CCDC181: variants seen among roughly 807,000 people sequenced by gnomAD.
The protein encoded by CCDC181 is coiled-coil domain-containing protein 181.
A neutral mutation model predicts 58.7 loss-of-function variants in CCDC181; 35 were observed. That is an observed-to-expected ratio of 0.60 (90% CI 0.46 to 0.79). The LOEUF is 0.79. Ranked by LOEUF, CCDC181 falls within the 30% of genes least tolerant of loss-of-function variation. The pLI is 0.00. For synonymous variants in CCDC181, 183 were observed against 197.5 expected (o/e 0.93, Z 0.62); for missense variants, 517 against 583.9 (o/e 0.89, Z 1.18).
chr1:169,408,197 T>A (rs1213291077), intron 4 of CCDC181, among the ~76,000 whole-genome samples: 2 of 152,172 alleles, frequency 1.3e-5, no homozygotes, highest in Admixed American at 6.5e-5. Context: ...AGCACAGCAG[T>A]CTGAAGTCGA....
chr1:169,409,906 A>G (rs1454634442), intron 4 of CCDC181, among the ~76,000 whole-genome samples: 1 of 152,182 alleles, frequency 6.6e-6, no homozygotes, highest in Non-Finnish European at 1.5e-5. Flanking sequence ...TGTAAAGGAA[A>G]AACAGATACC....
intron 1 of CCDC181, among the ~76,000 whole-genome samples, chr1:169,426,542 C>A (rs189591971): frequency 6.6e-6 from 1 of 152,316 alleles, no homozygotes; most frequent in African/African-American, 2.4e-5. Context: ...AACTGCCGAT[C>A]TTTCAGTAGG....
chr1:169,432,715 G>A (rs1656953364), intron 2 of CCDC181, among the ~76,000 whole-genome samples: 2 of 152,010 alleles, frequency 1.3e-5, no homozygotes, highest in South Asian at 2.1e-4. Context: ...AATCGATGCA[G>A]TATTCTACAT....
intron 2 of CCDC181, 23 bp from the exon 3 acceptor site, chr1:169,422,336 T>C: frequency 1.4e-6 from 2 of 1,479,976 alleles, no homozygotes; most frequent in Non-Finnish European, 1.8e-6. Flanking sequence ...TATTTTTCAG[T>C]CAAAATTGAG....
In CCDC181 at chr1:169,421,720, C is replaced by A; in HGVS notation, c.711G>T (p.Gly237=). The change falls in exon 3 of 6, where the codon GGG becomes GGT. Residue 237 remains glycine, a synonymous_variant. Coordinates refer to ENST00000367806, the MANE Select transcript of CCDC181 (RefSeq NM_001300969.2). ...TTGCATTATTAATGGGAGGCAAAAA[C>A]CCCTGACTGGCAATGTCTTGTAAAT... ...LLNLQDIASQ[G]FLPPINNANS... 1.2e-6 allele frequency: 2 copies of A among 1,613,970 alleles called. No individual in the cohort carries two copies. Among genetic ancestry groups the A allele is most frequent in the Non-Finnish European group, 1.7e-6 (2 of 1,179,978 alleles).
chr1:169,412,557 G>A (rs1656026726), intron 4 of CCDC181, among the ~76,000 whole-genome samples: 1 of 152,122 alleles, frequency 6.6e-6, no homozygotes, highest in South Asian at 2.1e-4. Flanking sequence ...AAAAGAGCCT[G>A]CATAGCCAAG....
chr1:169,410,801 T>C (rs1372540612), intron 4 of CCDC181, among the ~76,000 whole-genome samples: 1 of 152,070 alleles, frequency 6.6e-6, no homozygotes, highest in East Asian at 1.9e-4. Context: ...ACTGGGTAAA[T>C]AACGAAATTA....
intron 4 of CCDC181, among the ~76,000 whole-genome samples, chr1:169,405,552 G>T (rs982502116): frequency 6.6e-6 from 1 of 152,116 alleles, no homozygotes; most frequent in Admixed American, 6.5e-5. Flanking sequence ...AACAAGAAAC[G>T]GCGGAAGGAT....
chr1:169,423,403 T>C (rs945426664), intron 2 of CCDC181, among the ~76,000 whole-genome samples: 3 of 143,442 alleles, frequency 2.1e-5, no homozygotes. Context: ...ATTCTTATAG[T>C]CTCTGTTTCT....
At chr1:169,397,178 T>C (rs1655091967) in intron 5 of CCDC181, 59 bp downstream of exon 5, 25 of 1,424,794 alleles carry the variant, frequency 1.8e-5, no homozygotes, top group Non-Finnish European at 2.2e-5. Flanking sequence ...ATTGATGATA[T>C]AACTTTTAAA....
At position 169,394,964 on chromosome 1, in the gene CCDC181, A is replaced by G. The variant is rs1344700628; in HGVS notation, c.*83T>C. On this transcript the variant is annotated 3_prime_UTR_variant, in exon 6 of 6. Transcript: ENST00000367806. The stretch of plus-strand genomic sequence containing the variant: ...ATAAATACCATTTCCATAATTTAGA[A>G]TACAACCAAAGTACACAGACCCTAA... 1.3e-3 allele frequency: 1,593 copies of G among 1,230,960 alleles called. 13 individuals carry two copies. The African/African-American group carries it at 0.021, about 16-fold the overall frequency. The allele number at this position is 1,230,960 out of a possible 1,614,324, so 76.3% of individuals were successfully genotyped here.
rs767305640 is a variant in CCDC181 at position 169,421,909 on chromosome 1, A to T, written c.522T>A (p.Asn174Lys). The change falls in exon 3 of 6, where the codon AAT becomes AAA. Residue 174 changes from asparagine (N) to lysine (K), a missense_variant. Coordinates refer to ENST00000367806, the MANE Select transcript of CCDC181 (RefSeq NM_001300969.2). ...ACATATTCCTTTCGTTTTCAAAATA[A>T]TTTTTAAAAGTAGTAGTGTCTTCTA... ...PPLEDTTTFK[N>K]YFENERNMFG... The T allele has an allele frequency of 5.0e-6, 8 of 1,613,758 alleles. No individual in the cohort carries two copies. The South Asian group carries it at 8.8e-5, about 18-fold the overall frequency.
intron 4 of CCDC181, among the ~76,000 whole-genome samples, chr1:169,407,340 A>G (rs1330597833): frequency 6.6e-6 from 1 of 152,198 alleles, no homozygotes; most frequent in Non-Finnish European, 1.5e-5. Context: ...CATCTTTAAA[A>G]TGCTGCAGGG....
chr1:169,455,214 CATTT>C (rs1344036702), intron 2 of CCDC181, among the ~76,000 whole-genome samples: 1 of 151,554 alleles, frequency 6.6e-6, no homozygotes, highest in African/African-American at 2.4e-5. Context: ...CGTATGTTTT[CATTT>C]AAATTTTTTC....
intron 2 of CCDC181, among the ~76,000 whole-genome samples, chr1:169,450,296 G>C (rs1368245607): frequency 6.6e-6 from 1 of 152,008 alleles, no homozygotes; most frequent in African/African-American, 2.4e-5. Flanking sequence ...CTTTTATAAT[G>C]GTTACTTTCC....
At chr1:169,404,058 C>T (rs921502178) in intron 4 of CCDC181, among the ~76,000 whole-genome samples, 1 of 152,190 alleles carries the variant, frequency 6.6e-6, no homozygotes, top group Non-Finnish European at 1.5e-5. Flanking sequence ...ACTAGAAAAT[C>T]TAGAAGAAAT....
chr1:169,397,968 T>C (rs1282976135), intron 4 of CCDC181, among the ~76,000 whole-genome samples: 1 of 152,190 alleles, frequency 6.6e-6, no homozygotes, highest in East Asian at 1.9e-4. Context: ...ATTTCCCTCA[T>C]CTGTTGCCTA....
intron 2 of CCDC181, among the ~76,000 whole-genome samples, chr1:169,456,662 C>T (rs1350789717): frequency 6.6e-6 from 1 of 152,084 alleles, no homozygotes; most frequent in African/African-American, 2.4e-5. Flanking sequence ...CCATGTGATA[C>T]CCCACACTGC....
intron 1 of CCDC181, among the ~76,000 whole-genome samples, chr1:169,426,238 C>T (rs904754671): frequency 3.3e-5 from 5 of 152,142 alleles, no homozygotes; most frequent in Non-Finnish European, 7.4e-5. Context: ...TTTTCAAATG[C>T]GTCACAGGAT....
Sources: allele counts gnomAD v4.1 joint callset (sites outside exome capture counted in the v4.1 genomes callset), GRCh38; gene constraint gnomAD v4.1.1; transcripts MANE v1.5; gene names NCBI Gene and HGNC (gene_info 2026-07-23, HGNC 2026-07-21).